Variants in KIFAP3 observed in about 807,000 individuals in gnomAD.
KIFAP3 encodes the protein kinesin-associated protein 3.
KIFAP3 carries 68 observed loss-of-function variants against 106.5 expected under a neutral mutation model. The ratio of observed to expected loss-of-function variants is 0.64; its 90% confidence interval spans 0.53 to 0.78. The LOEUF is 0.78. Among genes scored for constraint, KIFAP3 ranks in the 30% least tolerant of loss-of-function variants. The probability of loss-of-function intolerance (pLI) is 0.00; values close to 1 mark genes in which losing one functional copy is unlikely to be tolerated. For synonymous variants in KIFAP3, 320 were observed against 311.5 expected (o/e 1.03, Z -0.29); for missense variants, 780 against 941.8 (o/e 0.83, Z 2.25).
At chr1:170,045,870 C>A (rs1217889841) in intron 3 of KIFAP3, among the ~76,000 whole-genome samples, 5 of 152,112 alleles carry the variant, frequency 3.3e-5, no homozygotes, top group African/African-American at 1.2e-4. Context: ...CCATTTACAT[C>A]CCCACTGTTC....
At chr1:170,042,599 A>G (rs1454960793) in intron 3 of KIFAP3, among the ~76,000 whole-genome samples, 8 of 152,086 alleles carry the variant, frequency 5.3e-5, no homozygotes, top group Admixed American at 4.6e-4. Flanking sequence ...TGTGTTCTTC[A>G]TAAAGGGGAG....
At chr1:169,998,197 G>C (rs980714095) in intron 10 of KIFAP3, among the ~76,000 whole-genome samples, 3 of 152,020 alleles carry the variant, frequency 2.0e-5, no homozygotes, top group Non-Finnish European at 4.4e-5. Context: ...CTATCAAGCA[G>C]ACGAAAGAAC....
intron 19 of KIFAP3, among the ~76,000 whole-genome samples, chr1:169,952,957 A>T (rs560937397): frequency 9.1e-4 from 138 of 152,254 alleles, no homozygotes; most frequent in Middle Eastern, 6.8e-3. Flanking sequence ...TCTTACACAT[A>T]GAAAATAGCT....
intron 3 of KIFAP3, among the ~76,000 whole-genome samples, chr1:170,039,952 T>C (rs1669888183): frequency 6.6e-6 from 1 of 152,156 alleles, no homozygotes; most frequent in African/African-American, 2.4e-5. Context: ...ACAAAAAAAC[T>C]ATCAAATATA....
At chr1:170,035,575 C>G (rs565388618) in intron 5 of KIFAP3, 22 bp from the exon 6 acceptor site, 2 of 1,461,128 alleles carry the variant, frequency 1.4e-6, no homozygotes, top group East Asian at 4.7e-5. Context: ...GGAGAGGTAC[C>G]GAAACGATCA....
intron 7 of KIFAP3, among the ~76,000 whole-genome samples, chr1:170,033,762 T>C (rs1041442880): frequency 3.3e-5 from 5 of 151,742 alleles, no homozygotes; most frequent in African/African-American, 7.2e-5. Context: ...GTGAAATAAA[T>C]AAACACTGAC....
intron 10 of KIFAP3, among the ~76,000 whole-genome samples, chr1:170,002,894 G>A (rs774872746): frequency 1.1e-4 from 17 of 152,120 alleles, no homozygotes; most frequent in Non-Finnish European, 2.2e-4. Flanking sequence ...GCTTATAAAT[G>A]AGCTAAGGAG....
chr1:170,037,857 G>A (rs529861720), intron 5 of KIFAP3, among the ~76,000 whole-genome samples: 1 of 152,232 alleles, frequency 6.6e-6, no homozygotes, highest in African/African-American at 2.4e-5. Context: ...TCCTTTTCTT[G>A]TTACTACCAA....
chr1:170,059,494 C>A (rs1330941909), intron 1 of KIFAP3, among the ~76,000 whole-genome samples: 1 of 151,828 alleles, frequency 6.6e-6, no homozygotes, highest in Non-Finnish European at 1.5e-5. Flanking sequence ...GACCAATAAC[C>A]AATAGGCTCT....
chr1:170,082,273 A>G (rs941893147), intron 1 of KIFAP3, among the ~76,000 whole-genome samples: 3 of 152,210 alleles, frequency 2.0e-5, no homozygotes, highest in African/African-American at 7.2e-5. Context: ...AAAACTACTG[A>G]TATATGCAAC....
intron 3 of KIFAP3, among the ~76,000 whole-genome samples, chr1:170,044,219 A>T (rs1670129502): frequency 6.6e-6 from 1 of 152,168 alleles, no homozygotes; most frequent in African/African-American, 2.4e-5. Context: ...GTCTTATGAA[A>T]ATGGATATTG....
intron 17 of KIFAP3, among the ~76,000 whole-genome samples, chr1:169,970,035 G>C (rs1218952782): frequency 1.3e-5 from 2 of 152,022 alleles, no homozygotes; most frequent in Non-Finnish European, 2.9e-5. Flanking sequence ...TGTACTGAAG[G>C]ATACAAATCT....
chr1:170,085,131 T>A (rs1672082360), exon 1 of KIFAP3: 1 of 152,162 alleles, frequency 6.6e-6, no homozygotes, highest in African/African-American at 2.4e-5. Context: ...ACCTTTCCAA[T>A]TAGTTTGAGC....
intron 18 of KIFAP3, among the ~76,000 whole-genome samples, chr1:169,957,375 A>G (rs1041216708): frequency 1.3e-5 from 2 of 152,136 alleles, no homozygotes; most frequent in Admixed American, 1.3e-4. Flanking sequence ...TATAAAGCAC[A>G]CCTTTCTGAG....
At chr1:170,080,024 A>C (rs1218955802) in intron 1 of KIFAP3, among the ~76,000 whole-genome samples, 1 of 152,088 alleles carries the variant, frequency 6.6e-6, no homozygotes, top group Non-Finnish European at 1.5e-5. Flanking sequence ...GGAAAAGTAA[A>C]ACTATTTTGA....
chr1:170,027,309 C>A (rs185329200), intron 8 of KIFAP3, among the ~76,000 whole-genome samples: 1 of 152,092 alleles, frequency 6.6e-6, no homozygotes, highest in African/African-American at 2.4e-5. Flanking sequence ...CATGAACCAC[C>A]GCGCCTGACC....
chr1:170,002,185 T>C (rs978103015), intron 10 of KIFAP3, among the ~76,000 whole-genome samples: 1 of 152,170 alleles, frequency 6.6e-6, no homozygotes, highest in African/African-American at 2.4e-5. Context: ...CTGGTCTGAC[T>C]CCTTACATGC....
At chr1:169,984,214 T>TA (rs1666672708) in intron 12 of KIFAP3, among the ~76,000 whole-genome samples, 1 of 151,828 alleles carries the variant, frequency 6.6e-6, no homozygotes, top group Non-Finnish European at 1.5e-5. Context: ...TGAAACATCA[T>TA]AATGTATGAC....
intron 19 of KIFAP3, among the ~76,000 whole-genome samples, chr1:169,941,183 T>C (rs1664088307): frequency 6.6e-6 from 1 of 152,174 alleles, no homozygotes; most frequent in Non-Finnish European, 1.5e-5. Context: ...TTGAAAACAA[T>C]TCTAAGAGTA....
Sources: gnomAD v4.1 joint callset for allele counts (sites outside exome capture counted in the v4.1 genomes callset) on GRCh38, gnomAD v4.1.1 for gene constraint, MANE v1.5 for transcripts, NCBI Gene and HGNC (gene_info 2026-07-23, HGNC 2026-07-21) for gene names.